PTPRD: variants seen among roughly 807,000 people sequenced by gnomAD.
PTPRD encodes protein tyrosine phosphatase receptor type D.
Under a neutral mutation model 214.5 loss-of-function variants are expected in PTPRD, and 34 were observed. That is an observed-to-expected ratio of 0.16 (90% CI 0.12 to 0.21). The LOEUF is 0.21. Among genes scored for constraint, PTPRD ranks in the 10% least tolerant of loss-of-function variants. The probability of loss-of-function intolerance (pLI) is 1.00; values close to 1 mark genes in which losing one functional copy is unlikely to be tolerated. For missense variants in PTPRD, 2,545 were observed against 2,398.7 expected (o/e 1.06, Z -1.27); for synonymous variants, 1,128 against 845.7 (o/e 1.33, Z -5.79).
At chr9:9,015,037 T>C (rs1236068166) in intron 11 of PTPRD, among the ~76,000 whole-genome samples, 1 of 152,162 alleles carries the variant, frequency 6.6e-6, no homozygotes, top group African/African-American at 2.4e-5. Context: ...TAAAAAAATG[T>C]TTTAACTATT....
intron 12 of PTPRD, among the ~76,000 whole-genome samples, chr9:8,687,124 C>T (rs1402975076): frequency 6.6e-6 from 1 of 152,128 alleles, no homozygotes; most frequent in Non-Finnish European, 1.5e-5. Context: ...ACTAGACTCT[C>T]CTAAAAAATA....
intron 2 of PTPRD, among the ~76,000 whole-genome samples, chr9:10,542,444 T>C (rs1263923533): frequency 2.0e-5 from 3 of 152,198 alleles, no homozygotes. Context: ...TTCTCAACCA[T>C]GACCTCTAAT....
chr9:9,031,131 C>G (rs1036298299), intron 10 of PTPRD, among the ~76,000 whole-genome samples: 12 of 151,924 alleles, frequency 7.9e-5, no homozygotes, highest in African/African-American at 2.9e-4. Flanking sequence ...TCAAGGGTGA[C>G]AGTAAGATTT....
intron 2 of PTPRD, among the ~76,000 whole-genome samples, chr9:10,481,176 C>A (rs180922407): frequency 1.5e-4 from 23 of 152,038 alleles, no homozygotes; most frequent in African/African-American, 5.3e-4. Context: ...TTAAAAAAAT[C>A]CAGTGGCAGG....
intron 7 of PTPRD, among the ~76,000 whole-genome samples, chr9:9,721,955 T>A (rs57143863): frequency 0.015 from 2,291 of 152,196 alleles, 57 homozygotes; most frequent in African/African-American, 0.051. Flanking sequence ...TATGATTTTT[T>A]AAATATTTTG....
At chr9:10,502,077 A>G (rs73644475) in intron 2 of PTPRD, among the ~76,000 whole-genome samples, 14,788 of 151,922 alleles carry the variant, frequency 0.097, 968 homozygotes, top group African/African-American at 0.18. Flanking sequence ...ATAGTGTGCT[A>G]TTGTGAAAGA....
At chr9:8,510,948 T>C (rs2097666674) in intron 21 of PTPRD, among the ~76,000 whole-genome samples, 1 of 152,182 alleles carries the variant, frequency 6.6e-6, no homozygotes, top group Admixed American at 6.5e-5. Context: ...GTCTATTGAA[T>C]TTTTATACCA....
chr9:8,897,122 T>A (rs2154247751), intron 11 of PTPRD, among the ~76,000 whole-genome samples: 1 of 152,330 alleles, frequency 6.6e-6, no homozygotes, highest in South Asian at 2.1e-4. Context: ...ATAGCCATAA[T>A]ATTTCATTTT....
intron 8 of PTPRD, among the ~76,000 whole-genome samples, chr9:9,436,177 G>A (rs1429016652): frequency 6.6e-6 from 1 of 152,132 alleles, no homozygotes; most frequent in Non-Finnish European, 1.5e-5. Context: ...TTCTTTGGGT[G>A]AACAATTCTG....
chr9:9,926,692 A>T (rs2084436058), intron 5 of PTPRD, among the ~76,000 whole-genome samples: 1 of 152,204 alleles, frequency 6.6e-6, no homozygotes, highest in Non-Finnish European at 1.5e-5. Flanking sequence ...TAAAGCCAAA[A>T]TTTCTAACTA....
intron 8 of PTPRD, among the ~76,000 whole-genome samples, chr9:9,473,130 A>C (rs2094747078): frequency 6.6e-6 from 1 of 152,026 alleles, no homozygotes; most frequent in Non-Finnish European, 1.5e-5. Flanking sequence ...CTCTCCCTAC[A>C]CTTCCCACCT....
intron 10 of PTPRD, among the ~76,000 whole-genome samples, chr9:9,046,379 A>G (rs532970941): frequency 6.6e-6 from 1 of 152,178 alleles, no homozygotes; most frequent in African/African-American, 2.4e-5. Context: ...AGGATGCTCA[A>G]TTGTTTTTAT....
At chr9:8,666,531 A>C (rs72700332) in intron 12 of PTPRD, among the ~76,000 whole-genome samples, 14,540 of 152,280 alleles carry the variant, frequency 0.095, 834 homozygotes, top group South Asian at 0.14. Context: ...AAATTCTAGC[A>C]ATAAAATTGA....
At chr9:10,018,725 A>G (rs1336214500) in intron 4 of PTPRD, among the ~76,000 whole-genome samples, 1 of 148,236 alleles carries the variant, frequency 6.7e-6, no homozygotes, top group Non-Finnish European at 1.5e-5. Flanking sequence ...TTTTTTTTGT[A>G]TTTTTAGTAG....
Position 9,422,436 on chromosome 9 carries a change from T to G in PTPRD, c.-236-24954A>C, listed in dbSNP as rs567906536. On this transcript the variant is annotated intron_variant, in intron 8 of 45. Coordinates refer to ENST00000381196, the MANE Select transcript of PTPRD (RefSeq NM_002839.4). ...CCTGCTTAGAGCTACTAGAAAATCT[T>G]TATTAAAATACACACAGACAAAGAA... 2.0e-5 allele frequency among the ~76,000 whole-genome samples: 3 copies of G among 152,294 alleles called. No homozygotes were observed. In the South Asian group the frequency reaches 6.2e-4, roughly 32 times the overall value.
intron 10 of PTPRD, among the ~76,000 whole-genome samples, chr9:9,114,824 G>A (rs1268536784): frequency 6.6e-6 from 1 of 152,056 alleles, no homozygotes; most frequent in African/African-American, 2.4e-5. Context: ...TGGGCCTTGG[G>A]CATTATCTAG....
chr9:9,533,929 A>G (rs1318065275), intron 8 of PTPRD, among the ~76,000 whole-genome samples: 2 of 152,076 alleles, frequency 1.3e-5, no homozygotes, highest in Admixed American at 1.3e-4. Context: ...TCCTTACTTA[A>G]GATGTAATTC....
At chr9:8,374,181 G>C (rs1255098825) in intron 39 of PTPRD, among the ~76,000 whole-genome samples, 1 of 151,142 alleles carries the variant, frequency 6.6e-6, no homozygotes, top group East Asian at 2.0e-4. Context: ...AGGCATATAA[G>C]GGCAACATTT....
chr9:8,851,715 C>A (rs1039752636), intron 11 of PTPRD, among the ~76,000 whole-genome samples: 2 of 152,106 alleles, frequency 1.3e-5, no homozygotes, highest in African/African-American at 4.8e-5. Context: ...TATGATCAAA[C>A]TGGATATTCA....
Sources: gnomAD v4.1 joint callset for allele counts (sites outside exome capture counted in the v4.1 genomes callset) on GRCh38, gnomAD v4.1.1 for gene constraint, MANE v1.5 for transcripts, NCBI Gene and HGNC (gene_info 2026-07-23, HGNC 2026-07-21) for gene names.